THAP4: variants seen among roughly 807,000 people sequenced by gnomAD.
THAP4 encodes the protein peroxynitrite isomerase THAP4.
A neutral mutation model predicts 48.1 loss-of-function variants in THAP4; 18 were observed. The ratio of observed to expected loss-of-function variants is 0.37; its 90% CI spans 0.26 to 0.56. The LOEUF (loss-of-function observed/expected upper bound fraction) is 0.56, where lower values mean the gene tolerates loss of function less well. THAP4 is among the 20% of genes least tolerant of loss of function. The probability of loss-of-function intolerance (pLI) is 0.78; values close to 1 mark genes in which losing one functional copy is unlikely to be tolerated. For synonymous variants in THAP4, 345 were observed against 324.9 expected, an observed-to-expected ratio of 1.06 and a Z score of -0.66; for missense variants, 656 against 774.9, an observed-to-expected ratio of 0.85 and a Z score of 1.82.
chr2:241,589,967 G>A (rs888165272), intron 5 of THAP4, among the ~76,000 whole-genome samples: 1 of 152,088 alleles, frequency 6.6e-6, no homozygotes, highest in Admixed American at 6.5e-5. Context: ...ATGGGCACTA[G>A]GACACTCAGA....
At chr2:241,609,988 C>T (rs1254890110) in intron 2 of THAP4, among the ~76,000 whole-genome samples, 1 of 152,182 alleles carries the variant, frequency 6.6e-6, no homozygotes, top group Non-Finnish European at 1.5e-5. Context: ...GAGCAGCGAT[C>T]CAGAGTCCAG....
chr2:241,604,748 G>C (rs371592615), intron 3 of THAP4, among the ~76,000 whole-genome samples: 2 of 148,864 alleles, frequency 1.3e-5, no homozygotes, highest in African/African-American at 5.0e-5. Context: ...AATTTTTTTA[G>C]GGTCTCACTG....
chr2:241,607,055 A>G (rs958302011), intron 2 of THAP4, among the ~76,000 whole-genome samples: 14 of 152,214 alleles, frequency 9.2e-5, no homozygotes, highest in African/African-American at 3.4e-4. Context: ...CGGGGTTTAA[A>G]AGGGAAGTAA....
chr2:241,621,531 A>G (rs1415631476), intron 2 of THAP4, among the ~76,000 whole-genome samples: 1 of 152,196 alleles, frequency 6.6e-6, no homozygotes, highest in Non-Finnish European at 1.5e-5. Flanking sequence ...GCTCATCAAT[A>G]GGATGGATAT....
intron 3 of THAP4, among the ~76,000 whole-genome samples, chr2:241,605,138 C>G (rs887922258): frequency 1.3e-5 from 2 of 152,126 alleles, no homozygotes; most frequent in Admixed American, 1.3e-4. Context: ...AGAATTCTCA[C>G]CTTTTGGTTT....
intron 2 of THAP4, among the ~76,000 whole-genome samples, chr2:241,628,060 T>C (rs541168862): frequency 6.6e-6 from 1 of 151,842 alleles, no homozygotes; most frequent in Non-Finnish European, 1.5e-5. Flanking sequence ...GCCTCTCCAG[T>C]GAGATTCCAG....
chr2:241,632,878 C>A, intron 2 of THAP4, 39 bp downstream of exon 2: 1 of 1,485,618 alleles, frequency 6.7e-7, no homozygotes, highest in Non-Finnish European at 9.0e-7. Context: ...CCCCTCCTAA[C>A]GGGAAGGGAA....
chr2:241,623,136 GAACC>G (rs1366447116), intron 2 of THAP4, among the ~76,000 whole-genome samples: 4 of 152,094 alleles, frequency 2.6e-5, no homozygotes, highest in Non-Finnish European at 5.9e-5. Context: ...TGAATCACTT[GAACC>G]AGGGAGTCGG....
chr2:241,620,848 G>T (rs920983372), intron 2 of THAP4, among the ~76,000 whole-genome samples: 1 of 151,976 alleles, frequency 6.6e-6, no homozygotes, highest in African/African-American at 2.4e-5. Flanking sequence ...ATAATCTTAC[G>T]GGACTACCAT....
At chr2:241,614,711 C>A (rs1337431590) in intron 2 of THAP4, among the ~76,000 whole-genome samples, 2 of 152,028 alleles carry the variant, frequency 1.3e-5, no homozygotes, top group Admixed American at 1.3e-4. Context: ...CATGATGAAA[C>A]CCCGTCTCTA....
intron 5 of THAP4, among the ~76,000 whole-genome samples, chr2:241,594,362 T>C (rs938596800): frequency 1.3e-5 from 2 of 152,048 alleles, no homozygotes; most frequent in African/African-American, 4.8e-5. Flanking sequence ...GGCAGGAGGA[T>C]TGCTTAAGCC....
At chr2:241,606,210 T>C (rs1174430948) in intron 3 of THAP4, 104 bp downstream of exon 3, 1 of 1,132,306 alleles carries the variant, frequency 8.8e-7, no homozygotes, top group Non-Finnish European at 1.2e-6. Flanking sequence ...AAGTTCCTTT[T>C]ACACCTTCCT....
chr2:241,588,289 G>C (rs1187845515), intron 5 of THAP4, among the ~76,000 whole-genome samples: 1 of 152,232 alleles, frequency 6.6e-6, no homozygotes, highest in African/African-American at 2.4e-5. Flanking sequence ...TATAGGATGA[G>C]ACTGATCTAA....
intron 5 of THAP4, among the ~76,000 whole-genome samples, chr2:241,590,528 C>T (rs78900615): frequency 3.6e-5 from 5 of 137,384 alleles, no homozygotes; most frequent in Admixed American, 1.4e-4. Flanking sequence ...CAGAGCTGCT[C>T]GGCTGATGAT....
intron 2 of THAP4, among the ~76,000 whole-genome samples, chr2:241,630,290 C>T (rs1373667844): frequency 6.6e-6 from 1 of 152,148 alleles, no homozygotes; most frequent in East Asian, 1.9e-4. Flanking sequence ...AGCAGAGCCA[C>T]AGCCTCCATT....
At position 241,602,002 on chromosome 2, in the gene THAP4, G is replaced by A; in HGVS notation, c.1511-3C>T. ...GCCCTCCTCCACTTCCACCACGCCTGCAAGGGAAGGGCAGTCAGCTCACCC... is the reference window on the plus strand; with the variant it reads ...GCCCTCCTCCACTTCCACCACGCCTACAAGGGAAGGGCAGTCAGCTCACCC... On this transcript the variant is annotated splice_region_variant and splice_polypyrimidine_tract_variant and intron_variant, in intron 4 of 5. Coordinates refer to ENST00000407315, the MANE Select transcript of THAP4 (RefSeq NM_015963.6). 6.2e-7 allele frequency: 1 copy of A among 1,610,508 alleles called. No homozygotes were observed. The highest frequency in any genetic ancestry group is 8.5e-7 in the Non-Finnish European group (1 of 1,179,198).
At chr2:241,621,611 A>G (rs542457616) in intron 2 of THAP4, among the ~76,000 whole-genome samples, 1 of 152,264 alleles carries the variant, frequency 6.6e-6, no homozygotes, top group East Asian at 1.9e-4. Flanking sequence ...GCAAAGAGAA[A>G]AAAACGGAAA....
chr2:241,620,466 GGTGA>G (rs2067415198), intron 2 of THAP4, among the ~76,000 whole-genome samples: 2 of 138,898 alleles, frequency 1.4e-5, no homozygotes, highest in Non-Finnish European at 3.1e-5. Context: ...ATGAGTGAGG[GGTGA>G]GTGAGTTGGT....
At chr2:241,622,894 C>T (rs1157185335) in intron 2 of THAP4, among the ~76,000 whole-genome samples, 1 of 152,200 alleles carries the variant, frequency 6.6e-6, no homozygotes, top group East Asian at 1.9e-4. Context: ...AGCCACCTCA[C>T]CTGGCCCTGA....
Sources: gnomAD v4.1 joint callset for allele counts (sites outside exome capture counted in the v4.1 genomes callset) on GRCh38, gnomAD v4.1.1 for gene constraint, MANE v1.5 for transcripts, NCBI Gene and HGNC (gene_info 2026-07-23, HGNC 2026-07-21) for gene names.